The following LRFN5 variants were observed in gnomAD, a reference collection of about 807,000 sequenced individuals.
LRFN5 encodes leucine rich repeat and fibronectin type III domain containing 5.
LRFN5 carries 24 observed loss-of-function variants against 45.6 expected under a neutral mutation model. The observed-to-expected ratio is 0.53, with a 90% CI of 0.38 to 0.74. LRFN5 has a LOEUF of 0.74. LRFN5 is among the 30% of genes least tolerant of loss of function. LRFN5 has a pLI of 0.00. For missense variants in LRFN5, 776 were observed against 861.5 expected (o/e 0.90, Z 1.24); for synonymous variants, 340 against 313.8 (o/e 1.08, Z -0.88).
At chr14:41,755,612 T>G (rs1031328149) in intron 1 of LRFN5, among the ~76,000 whole-genome samples, 16 of 152,200 alleles carry the variant, frequency 1.1e-4, no homozygotes, top group African/African-American at 3.1e-4. Flanking sequence ...GTTTTCCATT[T>G]GCTTGGTAGA....
In LRFN5 at chr14:41,859,781, T is replaced by C. The variant is rs1889597911; in HGVS notation, c.-20-26825T>C. Among the ~76,000 whole-genome samples the C allele has an allele frequency of 2.6e-5, 4 of 152,226 alleles. No homozygotes were observed. The South Asian group carries it at 8.3e-4, about 32-fold the overall frequency. On this transcript the variant is annotated intron_variant, in intron 2 of 5. Transcript: ENST00000298119. ...TTTTTGCTTCTCTTGAATATTTTAATATTATACCTTTTTAAAAATTAATGT... is the reference window on the plus strand; with the variant it reads ...TTTTTGCTTCTCTTGAATATTTTAACATTATACCTTTTTAAAAATTAATGT...
chr14:41,735,454 C>G (rs1428521673), intron 1 of LRFN5, among the ~76,000 whole-genome samples: 2 of 151,780 alleles, frequency 1.3e-5, no homozygotes, highest in Non-Finnish European at 1.5e-5. Context: ...TTACTTTTAG[C>G]AGAGGATGGG....
intron 1 of LRFN5, among the ~76,000 whole-genome samples, 159 bp from the exon 2 acceptor site, chr14:41,766,695 A>G (rs1396888297): frequency 6.6e-6 from 1 of 152,238 alleles, no homozygotes; most frequent in African/African-American, 2.4e-5. Context: ...TGCACATTCC[A>G]TTGGAAAGCT....
rs892442696 is a variant in LRFN5 at position 41,606,927 on chromosome 14, A to G, written c.-1832A>G. Among the ~76,000 whole-genome samples, 8 of 151,904 alleles carry G rather than the reference A, an allele frequency of 5.3e-5. No individual in the cohort carries two copies. The highest frequency in any genetic ancestry group is 1.2e-4 in the Non-Finnish European group (8 of 67,936). ...GCGCAGGGCTCAGTTCCACGCGGCC[A>G]GGAGGCCGCCGTTGCCCACACGCGA... is the stretch of plus-strand genomic sequence containing the variant. On this transcript the variant is annotated 5_prime_UTR_variant, in exon 1 of 6. Coordinates refer to ENST00000298119, the MANE Select transcript of LRFN5 (RefSeq NM_152447.5).
At chr14:41,656,014 A>G (rs576704788) in intron 1 of LRFN5, among the ~76,000 whole-genome samples, 1 of 152,190 alleles carries the variant, frequency 6.6e-6, no homozygotes, top group Admixed American at 6.6e-5. Flanking sequence ...TTTGACTTCT[A>G]GATTTCAAGT....
rs1263568258 is a variant in LRFN5 at position 41,608,467 on chromosome 14, C to G, written c.-292C>G. 1 of 152,716 alleles carries G rather than the reference C, an allele frequency of 6.5e-6. No individual in the cohort carries two copies. The highest frequency in any genetic ancestry group is 1.5e-5 in the Non-Finnish European group (1 of 68,110). 9.5% of individuals were successfully genotyped at this position (152,716 alleles called of 1,614,324 possible). On this transcript the variant is annotated 5_prime_UTR_variant, in exon 1 of 6. Transcript: ENST00000298119. ...GCAGCGAAGTGACGAGCGAGACCCG[C>G]GTACGACTGTGAAAGCCACCTGGAG...
chr14:41,818,627 A>G (rs910384120), intron 2 of LRFN5, among the ~76,000 whole-genome samples: 2 of 152,014 alleles, frequency 1.3e-5, no homozygotes, highest in African/African-American at 4.8e-5. Context: ...TGATCTTTCA[A>G]GTTTGTTGTG....
intron 2 of LRFN5, among the ~76,000 whole-genome samples, chr14:41,820,987 A>T (rs564082500): frequency 3.6e-4 from 55 of 152,124 alleles, no homozygotes; most frequent in African/African-American, 1.2e-3. Flanking sequence ...AATTAAGTCA[A>T]TTTTCAAATG....
intron 2 of LRFN5, among the ~76,000 whole-genome samples, chr14:41,834,107 T>G (rs1002387858): frequency 6.6e-6 from 1 of 151,802 alleles, no homozygotes; most frequent in African/African-American, 2.4e-5. Context: ...CAGATCTACA[T>G]TGTGAGCTAA....
intron 4 of LRFN5, among the ~76,000 whole-genome samples, chr14:41,898,090 T>G (rs1727814550): frequency 6.6e-6 from 1 of 152,094 alleles, no homozygotes. Context: ...CAAAGACCAT[T>G]GTATATTTAC....
intron 1 of LRFN5, among the ~76,000 whole-genome samples, chr14:41,760,381 C>T (rs1885609639): frequency 6.6e-6 from 1 of 152,086 alleles, no homozygotes; most frequent in South Asian, 2.1e-4. Flanking sequence ...TGTCACTGTG[C>T]CTTGCTTCTA....
chr14:41,840,371 A>G (rs1223492568), intron 2 of LRFN5, among the ~76,000 whole-genome samples: 1 of 152,040 alleles, frequency 6.6e-6, no homozygotes, highest in Non-Finnish European at 1.5e-5. Flanking sequence ...TATTAGTGAA[A>G]TGTATTTTGT....
Position 41,879,916 on chromosome 14 carries a change from CTTTTTTT to C in LRFN5, c.-20-6670_-20-6664del, listed in dbSNP as rs34553310. ...ATTATCTTGCAGGGATCAATTTTTC[CTTTTTTT>C]TTTTTTTTTTTTTTTTTTTAACAGA... On this transcript the variant is annotated intron_variant, in intron 2 of 5. Coordinates refer to ENST00000298119, the MANE Select transcript of LRFN5 (RefSeq NM_152447.5). Among the ~76,000 whole-genome samples, 163 of 56,478 alleles carry C rather than the reference CTTTTTTT, an allele frequency of 2.9e-3. 1 individual carries two copies. The East Asian group carries it at 0.056, about 19-fold the overall frequency. The allele number at this position is 56,478 out of a possible 152,430, so 37.1% of individuals were successfully genotyped here.
At chr14:41,610,733 T>G (rs1194606636) in intron 1 of LRFN5, among the ~76,000 whole-genome samples, 2 of 140,724 alleles carry the variant, frequency 1.4e-5, no homozygotes, top group African/African-American at 5.2e-5. Flanking sequence ...AACAGATAAT[T>G]GGGAATAAAT....
intron 1 of LRFN5, among the ~76,000 whole-genome samples, chr14:41,668,430 A>C (rs1566611509): frequency 6.6e-6 from 1 of 152,084 alleles, no homozygotes; most frequent in Non-Finnish European, 1.5e-5. Flanking sequence ...ACCTTGGACA[A>C]TCACACATAT....
intron 2 of LRFN5, among the ~76,000 whole-genome samples, chr14:41,822,991 GTATGA>G (rs1465428058): frequency 2.0e-5 from 3 of 150,984 alleles, no homozygotes; most frequent in Non-Finnish European, 4.4e-5. Context: ...GTTCCCATAT[GTATGA>G]TATATTTTTT....
intron 1 of LRFN5, among the ~76,000 whole-genome samples, chr14:41,685,069 C>T (rs1279100346): frequency 6.6e-6 from 1 of 152,132 alleles, no homozygotes; most frequent in African/African-American, 2.4e-5. Context: ...TTATTAATCA[C>T]TGGGGAAATG....
intron 1 of LRFN5, among the ~76,000 whole-genome samples, chr14:41,701,825 C>T (rs1337811279): frequency 1.3e-5 from 2 of 152,034 alleles, no homozygotes; most frequent in African/African-American, 2.4e-5. Flanking sequence ...AAGTTGTGAC[C>T]TTTTAAACTT....
intron 1 of LRFN5, among the ~76,000 whole-genome samples, chr14:41,694,711 C>T (rs1882527085): frequency 6.6e-6 from 1 of 151,868 alleles, no homozygotes; most frequent in African/African-American, 2.4e-5. Flanking sequence ...CTCTGTGTCA[C>T]ATTTTGGTAA....
Sources: allele counts gnomAD v4.1 joint callset (sites outside exome capture counted in the v4.1 genomes callset), GRCh38; gene constraint gnomAD v4.1.1; transcripts MANE v1.5; gene names NCBI Gene and HGNC (gene_info 2026-07-23, HGNC 2026-07-21).